The following C4orf50 variants were observed in gnomAD, a reference collection of about 807,000 sequenced individuals.
C4orf50 encodes the protein uncharacterized protein C4orf50.
Under a neutral mutation model 77.2 loss-of-function variants are expected in C4orf50, and 80 were observed. The observed-to-expected ratio is 1.04, with a 90% CI of 0.87 to 1.25. The LOEUF (loss-of-function observed/expected upper bound fraction) is 1.25, where lower values mean the gene tolerates loss of function less well. Among genes scored for constraint, C4orf50 ranks in the 50% most tolerant of loss-of-function variants. The probability of loss-of-function intolerance (pLI) is 0.00; values close to 1 mark genes in which losing one functional copy is unlikely to be tolerated. For missense variants in C4orf50, 1,257 were observed against 1,152.9 expected, an observed-to-expected ratio of 1.09 and a Z score of -1.31; for synonymous variants, 532 against 465.3, an observed-to-expected ratio of 1.14 and a Z score of -1.84.
intron 7 of C4orf50, among the ~76,000 whole-genome samples, chr4:5,910,018 T>A (rs1467655372): frequency 6.6e-6 from 1 of 151,922 alleles, no homozygotes; most frequent in Non-Finnish European, 1.5e-5. Flanking sequence ...AATTCTAGAA[T>A]TTTTTTTTCT....
At chr4:6,010,849 A>G (rs1347740228) in intron 24 of C4orf50, among the ~76,000 whole-genome samples, 1 of 152,252 alleles carries the variant, frequency 6.6e-6, no homozygotes, top group African/African-American at 2.4e-5. Flanking sequence ...TAATTATAAA[A>G]GCAGATAGTG....
Position 5,905,272 on chromosome 4 carries a change from C to T in C4orf50, c.*2475-7084G>A, listed in dbSNP as rs1716500290. ...ATCTCTTGGGTCCCCAGGTTGGTAT[C>T]ATACAGAGTAGAAGTATTCCCTATT... On this transcript the variant is annotated intron_variant, in intron 7 of 7. Coordinates refer to the C4orf50 transcript ENST00000324058. The surrounding 1 kb of genome is among the most constrained non-coding windows in gnomAD (Gnocchi z 5.4). The T allele has an allele frequency of 6.6e-6, 1 of 152,196 alleles. No individual in the cohort carries two copies. The highest frequency in any genetic ancestry group is 2.4e-5 in the African/African-American group (1 of 41,444). The allele number at this position is 152,196 out of a possible 1,614,324, so 9.4% of individuals were successfully genotyped here.
intron 23 of C4orf50, among the ~76,000 whole-genome samples, chr4:6,016,756 G>C (rs564759479): frequency 6.6e-6 from 1 of 152,232 alleles, no homozygotes; most frequent in South Asian, 2.1e-4. Context: ...CAATCACATA[G>C]AGTAACAGAA....
chr4:5,902,004 A>G (rs1268262217), intron 7 of C4orf50: 2 of 152,224 alleles, frequency 1.3e-5, no homozygotes, highest in Non-Finnish European at 1.5e-5. Flanking sequence ...CAGGGCAGCA[A>G]TTTGGCCTAC....
chr4:5,919,250 G>T lies in C4orf50; in HGVS notation c.*2475-21062C>A, dbSNP rs977632278. Among the ~76,000 whole-genome samples the T allele has an allele frequency of 5.3e-5, 8 of 152,214 alleles. No individual in the cohort carries two copies. The highest frequency in any genetic ancestry group is 1.7e-4 in the African/African-American group (7 of 41,458). ...AGGGGCCTGTTTCCAGTTCAGAGGA[G>T]CCCCAGGCTTGAGGGTTGGCAGACC... is the stretch of plus-strand genomic sequence containing the variant. On this transcript the variant is annotated intron_variant, in intron 7 of 7. Transcript: ENST00000324058. This position sits in a 1 kb window ranked among gnomAD's most constrained non-coding sequence, Gnocchi z 6.5.
intron 25 of C4orf50, among the ~76,000 whole-genome samples, chr4:6,004,042 G>A (rs1389905312): frequency 6.0e-4 from 13 of 21,598 alleles, no homozygotes; most frequent in Admixed American, 1.0e-3. Flanking sequence ...AGTGATGATG[G>A]TGATGGTGAT....
At chr4:5,998,242 C>T (rs539433996) in intron 25 of C4orf50, among the ~76,000 whole-genome samples, 3 of 152,272 alleles carry the variant, frequency 2.0e-5, no homozygotes, top group African/African-American at 4.8e-5. Flanking sequence ...TTCTCACTGG[C>T]GTTATTTTTT....
At position 5,970,013 on chromosome 4, in the gene C4orf50, C is replaced by T. The variant is rs770802434; in HGVS notation, c.4105-2551G>A. On this transcript the variant is annotated intron_variant, in intron 31 of 33. Transcript: ENST00000531445. The surrounding 1 kb of genome is among the most constrained non-coding windows in gnomAD (Gnocchi z 4.3). ...TGAGCCCCGGCAACCCTCTTCTCCT[C>T]TCCTTTGGTACCCGGGCCTCTGCCT... Among the ~76,000 whole-genome samples the T allele has an allele frequency of 9.9e-5, 15 of 152,250 alleles. No individual in the cohort carries two copies. Among genetic ancestry groups the T allele is most frequent in the Non-Finnish European group, 2.1e-4 (14 of 68,014 alleles).
intron 7 of C4orf50, among the ~76,000 whole-genome samples, chr4:5,943,831 C>T (rs186834944): frequency 5.9e-5 from 9 of 152,184 alleles, no homozygotes; most frequent in African/African-American, 1.9e-4. Flanking sequence ...TTAGACTCAT[C>T]GGACTTCATC....
At chr4:5,946,419 G>A (rs1404260412) in intron 7 of C4orf50, among the ~76,000 whole-genome samples, 6 of 145,686 alleles carry the variant, frequency 4.1e-5, no homozygotes, top group East Asian at 1.9e-4. Context: ...TTCCCTTCTC[G>A]TTAAAGAATA....
intron 30 of C4orf50, among the ~76,000 whole-genome samples, chr4:5,974,094 G>T: frequency 6.6e-6 from 1 of 152,198 alleles, no homozygotes; most frequent in East Asian, 1.9e-4. Flanking sequence ...GGCAGCAGGG[G>T]TCAAGAGCGT....
chr4:5,945,240 G>C (rs80285032), intron 7 of C4orf50, among the ~76,000 whole-genome samples: 2,076 of 152,254 alleles, frequency 0.014, 28 homozygotes, highest in African/African-American at 0.034. Flanking sequence ...GCAGCATTCG[G>C]ATTTGACTGC....
chr4:5,959,735 C>T (rs567558614), intron 33 of C4orf50, 109 bp from the exon 12 acceptor site: 25 of 1,359,414 alleles, frequency 1.8e-5, no homozygotes, highest in Middle Eastern at 2.6e-4. Context: ...CTAACGGTTT[C>T]GGGGCACTTT....
exon 28 of C4orf50, chr4:5,988,369 C>G: frequency 6.2e-7 from 1 of 1,614,042 alleles, no homozygotes; most frequent in Admixed American, 1.7e-5. Flanking sequence ...GCTCAGGGAG[C>G]TCAGAGCTTG....
At chr4:6,004,329 G>T in intron 25 of C4orf50, among the ~76,000 whole-genome samples, 1 of 118,024 alleles carries the variant, frequency 8.5e-6, no homozygotes. Context: ...TCGTAATGGT[G>T]ATGATGGTGA....
At chr4:5,956,148 C>CA (rs571630195), downstream of C4orf50, among the ~76,000 whole-genome samples, 6 of 152,224 alleles carry the variant, frequency 3.9e-5, no homozygotes, top group South Asian at 1.0e-3. Context: ...AGCAGGATCA[C>CA]AAAAAAGGCA....
At chr4:5,939,157 C>T (rs1228561576) in intron 7 of C4orf50, among the ~76,000 whole-genome samples, 1 of 152,068 alleles carries the variant, frequency 6.6e-6, no homozygotes, top group Admixed American at 6.5e-5. Flanking sequence ...GCAGGAGAAT[C>T]GCTTGAACCT....
At position 5,974,168 on chromosome 4, in the gene C4orf50, A is replaced by G. The variant is rs575995365; in HGVS notation, c.3922-327T>C. On this transcript the variant is annotated intron_variant, in intron 30 of 33. Coordinates refer to ENST00000531445, the Ensembl canonical transcript of C4orf50. The stretch of plus-strand genomic sequence containing the variant: ...CTCCCCTCTGCACCTCGACTTGCCC[A>G]TCTGTACAATGGGCTTTGTCATGGA... Among the ~76,000 whole-genome samples, 9 of 152,322 alleles carry G rather than the reference A, an allele frequency of 5.9e-5. No individual in the cohort carries two copies. In the South Asian group the frequency reaches 1.5e-3, roughly 25 times the overall value.
intron 32 of C4orf50, among the ~76,000 whole-genome samples, chr4:5,966,122 G>A (rs1464201074): frequency 6.6e-6 from 1 of 152,198 alleles, no homozygotes; most frequent in Non-Finnish European, 1.5e-5. Flanking sequence ...AAATAAAAAA[G>A]AGTAAAACAA....
Sources: allele counts gnomAD v4.1 joint callset (sites outside exome capture counted in the v4.1 genomes callset), GRCh38; gene constraint gnomAD v4.1.1; non-coding constraint Gnocchi (gnomAD v3.1); transcripts MANE v1.5; gene names NCBI Gene and HGNC (gene_info 2026-07-23, HGNC 2026-07-21).